The following COPG2 variants were observed in gnomAD, a reference collection of about 807,000 sequenced individuals.
COPG2 encodes coat protein complex I subunit gamma 2.
In COPG2, 37 loss-of-function variants were observed where a neutral mutation model predicts 46.3. The ratio of observed to expected loss-of-function variants is 0.80; its 90% CI spans 0.61 to 1.05. The LOEUF is 1.05. Ranked by LOEUF, COPG2 falls within the 50% of genes least tolerant of loss-of-function variation. The pLI, the probability that COPG2 is intolerant of heterozygous loss-of-function variation, is 0.00. For missense variants in COPG2, 427 were observed against 387.8 expected (o/e 1.10, Z -0.85); for synonymous variants, 159 against 129.7 (o/e 1.23, Z -1.53).
chr7:130,645,720 G>A (rs1479756471), intron 5 of COPG2: 1 of 142,610 alleles, frequency 7.0e-6, no homozygotes, highest in Non-Finnish European at 1.5e-5. Context: ...TTGCAAAATT[G>A]CCCTTGTTTG....
intron 20 of COPG2, among the ~76,000 whole-genome samples, chr7:130,543,463 C>A (rs1793376620): frequency 6.6e-6 from 1 of 152,158 alleles, no homozygotes; most frequent in Non-Finnish European, 1.5e-5. Context: ...TGCTTAGAGT[C>A]AGGAGAATAA....
chr7:130,529,929 C>G (rs1307903091), intron 20 of COPG2, among the ~76,000 whole-genome samples: 1 of 152,120 alleles, frequency 6.6e-6, no homozygotes, highest in African/African-American at 2.4e-5. Flanking sequence ...AAAATATACG[C>G]AGAGGTTCAT....
At chr7:130,618,100 CAAA>C (rs10695449) in intron 5 of COPG2, among the ~76,000 whole-genome samples, 10 of 64,596 alleles carry the variant, frequency 1.5e-4, no homozygotes, top group Admixed American at 2.2e-4. Context: ...GACCCTGTCT[CAAA>C]AAAAAAAAAA....
chr7:130,608,894 G>T (rs923146302), intron 9 of COPG2, among the ~76,000 whole-genome samples: 8 of 151,874 alleles, frequency 5.3e-5, no homozygotes, highest in Non-Finnish European at 1.2e-4. Context: ...TTGAGATGGG[G>T]ATCTCACTCT....
chr7:130,641,207 A>G (rs1554457233), intron 5 of COPG2, among the ~76,000 whole-genome samples: 1 of 151,286 alleles, frequency 6.6e-6, no homozygotes, highest in Non-Finnish European at 1.5e-5. Context: ...AGAACAACAG[A>G]GAAGACAATG....
intron 5 of COPG2, among the ~76,000 whole-genome samples, chr7:130,643,786 C>T (rs1340468440): frequency 6.6e-6 from 1 of 152,032 alleles, no homozygotes; most frequent in East Asian, 1.9e-4. Flanking sequence ...CATAACAAGA[C>T]CCCATCTCTA....
intron 9 of COPG2, among the ~76,000 whole-genome samples, chr7:130,576,989 A>G (rs1367168889): frequency 6.6e-6 from 1 of 152,226 alleles, no homozygotes; most frequent in East Asian, 1.9e-4. Context: ...GAACATCTTT[A>G]CACACATAAA....
intron 14 of COPG2, among the ~76,000 whole-genome samples, chr7:130,553,860 A>T (rs1282152059): frequency 2.0e-5 from 3 of 152,254 alleles, no homozygotes; most frequent in African/African-American, 7.2e-5. Context: ...TCAATAGCAC[A>T]TCAAGTGGAC....
chr7:130,551,134 A>C (rs905719988), intron 16 of COPG2, 107 bp downstream of exon 16: 8 of 394,122 alleles, frequency 2.0e-5, no homozygotes, highest in Non-Finnish European at 3.6e-5. Context: ...ACTCAAAGAC[A>C]AAAACCAAGC....
intron 9 of COPG2, among the ~76,000 whole-genome samples, chr7:130,591,738 GC>G (rs1440964534): frequency 7.0e-6 from 1 of 141,988 alleles, no homozygotes; most frequent in South Asian, 2.2e-4. Context: ...GGGGGGGTCA[GC>G]CCCCCGCCCG....
intron 9 of COPG2, among the ~76,000 whole-genome samples, chr7:130,599,269 G>C (rs376701440): frequency 6.8e-4 from 104 of 152,292 alleles, no homozygotes; most frequent in African/African-American, 2.4e-3. Flanking sequence ...TAGAGGCTAT[G>C]GGCTGGTAAG....
intron 9 of COPG2, among the ~76,000 whole-genome samples, chr7:130,588,033 A>G (rs1463186529): frequency 6.6e-6 from 1 of 152,154 alleles, no homozygotes; most frequent in African/African-American, 2.4e-5. Flanking sequence ...CAACCAAAAA[A>G]CACATGAAAA....
chr7:130,520,587 C>T (rs1799715961), intron 20 of COPG2, among the ~76,000 whole-genome samples: 5 of 152,188 alleles, frequency 3.3e-5, no homozygotes, highest in Admixed American at 2.6e-4. Flanking sequence ...AAACTTTTAG[C>T]TTGCACCCAA....
intron 9 of COPG2, among the ~76,000 whole-genome samples, chr7:130,594,542 A>G (rs1371808861): frequency 6.6e-6 from 1 of 152,240 alleles, no homozygotes; most frequent in Non-Finnish European, 1.5e-5. Flanking sequence ...TCTGTGTTTG[A>G]AAGAACACTA....
intron 14 of COPG2, among the ~76,000 whole-genome samples, chr7:130,553,519 G>T (rs1471473102): frequency 3.3e-5 from 5 of 152,206 alleles, no homozygotes; most frequent in African/African-American, 9.7e-5. Context: ...GATAGGGGCT[G>T]TAAGGCAGCA....
At chr7:130,606,781 C>A (rs1442138287) in intron 9 of COPG2, among the ~76,000 whole-genome samples, 1 of 152,124 alleles carries the variant, frequency 6.6e-6, no homozygotes, top group Non-Finnish European at 1.5e-5. Flanking sequence ...CTTAGCTGGC[C>A]CCCGAATTAC....
In COPG2 at chr7:130,593,870, G is replaced by C. The variant is rs182656933; in HGVS notation, c.737+17083C>G. 1.6e-4 allele frequency among the ~76,000 whole-genome samples: 25 copies of C among 152,196 alleles called. No homozygotes were observed. In the East Asian group the frequency reaches 4.6e-3, roughly 28 times the overall value. On this transcript the variant is annotated intron_variant, in intron 9 of 23. Transcript: ENST00000425248. ...ACAGAGGATATATTTGTGAATTTGG[G>C]GTAAGAAAATGTTTCTTATGCAAGA...
At chr7:130,657,435 A>C (rs1357176143) in intron 4 of COPG2, among the ~76,000 whole-genome samples, 1 of 152,144 alleles carries the variant, frequency 6.6e-6, no homozygotes, top group African/African-American at 2.4e-5. Flanking sequence ...AAACACCCAG[A>C]AAAAAAGCAC....
chr7:130,664,283 G>T (rs953816031), intron 3 of COPG2, among the ~76,000 whole-genome samples: 2 of 152,068 alleles, frequency 1.3e-5, no homozygotes, highest in Non-Finnish European at 2.9e-5. Flanking sequence ...TTTGCCATAG[G>T]TATAAGAATA....
Sources: allele counts gnomAD v4.1 joint callset (sites outside exome capture counted in the v4.1 genomes callset), GRCh38; gene constraint gnomAD v4.1.1; transcripts MANE v1.5; gene names NCBI Gene and HGNC (gene_info 2026-07-23, HGNC 2026-07-21).